Variants in RIMS1 observed in about 807,000 individuals in gnomAD.
RIMS1 encodes the protein regulating synaptic membrane exocytosis 1.
In RIMS1, 83 loss-of-function variants were observed where a neutral mutation model predicts 214.1. The ratio of observed to expected loss-of-function variants is 0.39; its 90% CI spans 0.32 to 0.47. The LOEUF is 0.47. RIMS1 is among the 20% of genes least tolerant of loss of function. The pLI, the probability that RIMS1 is intolerant of heterozygous loss-of-function variation, is 0.99. For missense variants in RIMS1, 2,050 were observed against 2,161.8 expected, an observed-to-expected ratio of 0.95 and a Z score of 1.03; for synonymous variants, 793 against 786.8, an observed-to-expected ratio of 1.01 and a Z score of -0.13.
At chr6:71,988,922 G>A (rs1374898878) in intron 2 of RIMS1, among the ~76,000 whole-genome samples, 1 of 152,174 alleles carries the variant, frequency 6.6e-6, no homozygotes, top group Non-Finnish European at 1.5e-5. Flanking sequence ...ATGCCTAAGT[G>A]GGACTGATTC....
chr6:72,168,042 C>G (rs1039601058), intron 4 of RIMS1, among the ~76,000 whole-genome samples: 2 of 151,966 alleles, frequency 1.3e-5, no homozygotes, highest in Non-Finnish European at 2.9e-5. Flanking sequence ...ATAAAAGAGG[C>G]AAGAACATCA....
chr6:72,125,608 C>T (rs1343546281), intron 4 of RIMS1, among the ~76,000 whole-genome samples: 1 of 152,228 alleles, frequency 6.6e-6, no homozygotes, highest in Non-Finnish European at 1.5e-5. Flanking sequence ...TCTACAGATG[C>T]AGGCAGGCCT....
At chr6:72,197,229 G>C (rs554996605) in intron 6 of RIMS1, among the ~76,000 whole-genome samples, 66 of 152,184 alleles carry the variant, frequency 4.3e-4, no homozygotes, top group Admixed American at 7.9e-4. Context: ...TACCAGAGCA[G>C]CCTATCTAAA....
At chr6:72,107,420 G>T (rs766065762) in intron 4 of RIMS1, among the ~76,000 whole-genome samples, 1 of 152,126 alleles carries the variant, frequency 6.6e-6, no homozygotes, top group African/African-American at 2.4e-5. Flanking sequence ...AATTAACCAG[G>T]CGTGGTGGCA....
chr6:71,937,828 G>A (rs1784925460), intron 1 of RIMS1, among the ~76,000 whole-genome samples: 2 of 152,126 alleles, frequency 1.3e-5, no homozygotes, highest in Admixed American at 6.5e-5. Flanking sequence ...ATTCTACCCT[G>A]GGTCCCCTAA....
intron 6 of RIMS1, among the ~76,000 whole-genome samples, chr6:72,189,784 G>A (rs1015404337): frequency 1.3e-5 from 2 of 152,216 alleles, no homozygotes; most frequent in Admixed American, 6.5e-5. Context: ...CCCATTGGGC[G>A]ATGACAGAGG....
intron 2 of RIMS1, among the ~76,000 whole-genome samples, chr6:72,082,624 G>A (rs945254024): frequency 6.6e-6 from 1 of 152,120 alleles, no homozygotes; most frequent in Non-Finnish European, 1.5e-5. Flanking sequence ...ATATGCTTGT[G>A]CACTCACTTC....
chr6:71,936,953 T>G (rs1784631831), intron 1 of RIMS1, among the ~76,000 whole-genome samples: 2 of 151,712 alleles, frequency 1.3e-5, no homozygotes, highest in South Asian at 4.1e-4. Context: ...TCTATCACTG[T>G]CCAGTTCTGC....
chr6:72,292,837 A>T (rs911634238), intron 26 of RIMS1, among the ~76,000 whole-genome samples: 1 of 152,142 alleles, frequency 6.6e-6, no homozygotes, highest in Middle Eastern at 3.2e-3. Flanking sequence ...ATTGTAATAT[A>T]AATGTAGTAG....
At chr6:72,278,369 C>A (rs1287685374) in intron 23 of RIMS1, among the ~76,000 whole-genome samples, 2 of 151,944 alleles carry the variant, frequency 1.3e-5, no homozygotes, top group African/African-American at 4.8e-5. Flanking sequence ...TGCAGATAAC[C>A]AAATTTGTGT....
chr6:72,088,794 G>A (rs187622690), intron 2 of RIMS1, among the ~76,000 whole-genome samples: 1 of 152,198 alleles, frequency 6.6e-6, no homozygotes, highest in Non-Finnish European at 1.5e-5. Flanking sequence ...CCTCATATAA[G>A]TAATTTGCTT....
intron 2 of RIMS1, among the ~76,000 whole-genome samples, chr6:72,063,123 A>G (rs1185626534): frequency 6.6e-6 from 1 of 152,194 alleles, no homozygotes; most frequent in African/African-American, 2.4e-5. Context: ...GGAAAACAAC[A>G]CTGAGGAACA....
intron 2 of RIMS1, among the ~76,000 whole-genome samples, chr6:72,081,309 C>T (rs2153773460): frequency 6.6e-6 from 1 of 152,226 alleles, no homozygotes. Flanking sequence ...GCTACAAAAT[C>T]AATAGAACTG....
intron 1 of RIMS1, among the ~76,000 whole-genome samples, chr6:71,901,869 A>G (rs943064686): frequency 9.2e-5 from 14 of 152,128 alleles, no homozygotes; most frequent in African/African-American, 3.4e-4. Context: ...CAAGGAGATC[A>G]CTGGTAACTT....
chr6:72,103,117 A>G (rs1205734701), intron 4 of RIMS1, among the ~76,000 whole-genome samples: 1 of 152,144 alleles, frequency 6.6e-6, no homozygotes, highest in Non-Finnish European at 1.5e-5. Context: ...CATCAATAAG[A>G]AAAGTTTAGA....
chr6:72,098,289 C>CTTTTTTTTTTTTTTTTTTTTTTTTTTTTT, intron 3 of RIMS1, among the ~76,000 whole-genome samples: 1 of 143,346 alleles, frequency 7.0e-6, no homozygotes, highest in Non-Finnish European at 1.5e-5. Flanking sequence ...ATCAATATAT[C>CTTTTTTTTTTTTTTTTTTTTTTTTTTTTT]TTTTTTTTTT....
intron 1 of RIMS1, among the ~76,000 whole-genome samples, chr6:71,934,530 C>A (rs1783966456): frequency 6.6e-6 from 1 of 152,100 alleles, no homozygotes; most frequent in South Asian, 2.1e-4. Context: ...TAACAGTTAT[C>A]TTTTAATTAC....
chr6:72,023,167 G>A (rs1439322127), intron 2 of RIMS1, among the ~76,000 whole-genome samples: 2 of 152,092 alleles, frequency 1.3e-5, no homozygotes, highest in Non-Finnish European at 2.9e-5. Flanking sequence ...TTTTCAATGT[G>A]ATTTAAATTA....
intron 2 of RIMS1, among the ~76,000 whole-genome samples, chr6:72,051,192 C>A (rs1314708720): frequency 6.6e-6 from 1 of 152,122 alleles, no homozygotes; most frequent in Middle Eastern, 3.2e-3. Flanking sequence ...TCTTCTTTTG[C>A]CTTTGAGGGT....
Sources: gnomAD v4.1 joint callset for allele counts (sites outside exome capture counted in the v4.1 genomes callset) on GRCh38, gnomAD v4.1.1 for gene constraint, MANE v1.5 for transcripts, NCBI Gene and HGNC (gene_info 2026-07-23, HGNC 2026-07-21) for gene names.